CERS5: variants seen among roughly 807,000 people sequenced by gnomAD.
CERS5 encodes the protein LAG1 homolog, ceramide synthase 5.
A neutral mutation model predicts 58.9 loss-of-function variants in CERS5; 37 were observed. The ratio of observed to expected loss-of-function variants is 0.63; its 90% confidence interval spans 0.48 to 0.83. The LOEUF (loss-of-function observed/expected upper bound fraction) is 0.83. Among genes scored for constraint, CERS5 ranks in the 40% least tolerant of loss-of-function variants. CERS5 has a pLI of 0.00. For missense variants in CERS5, 398 were observed against 489.3 expected (o/e 0.81, Z 1.76); for synonymous variants, 147 against 177.8 (o/e 0.83, Z 1.38).
At chr12:50,146,720 G>A (rs966041476) in intron 1 of CERS5, among the ~76,000 whole-genome samples, 2 of 151,894 alleles carry the variant, frequency 1.3e-5, no homozygotes, top group African/African-American at 2.4e-5. Context: ...GGTGGCGGGC[G>A]CCTGTAATCC....
chr12:50,148,919 AAAAAAAAAATAT>A (rs1331391247), intron 1 of CERS5, among the ~76,000 whole-genome samples: 3 of 70,888 alleles, frequency 4.2e-5, no homozygotes, highest in Non-Finnish European at 8.8e-5. Flanking sequence ...AAAAAAAAAA[AAAAAAAAAATAT>A]ATATATATAT....
chr12:50,154,215 C>T, intron 1 of CERS5: 2 of 333,428 alleles, frequency 6.0e-6, no homozygotes, highest in African/African-American at 2.2e-5. Context: ...TAGCTGGGTG[C>T]GGTGGCACAT....
intron 1 of CERS5, among the ~76,000 whole-genome samples, chr12:50,162,609 C>CTTT (rs35326678): frequency 5.5e-5 from 8 of 145,742 alleles, no homozygotes; most frequent in African/African-American, 2.0e-4. Context: ...CTCTCTCTCT[C>CTTT]TTTTTTTTTT....
chr12:50,138,525 T>C (rs982647331), intron 5 of CERS5, 42 bp downstream of exon 5: 7 of 1,544,188 alleles, frequency 4.5e-6, no homozygotes, highest in Middle Eastern at 1.7e-4. Flanking sequence ...CTCCACCTTA[T>C]ACACATTCAA....
At chr12:50,134,779 C>A in intron 8 of CERS5, 77 bp from the exon 9 acceptor site, 1 of 1,361,852 alleles carries the variant, frequency 7.3e-7, no homozygotes, top group Non-Finnish European at 1.0e-6. Context: ...CCTGGGGATG[C>A]AGAGCCCTGT....
chr12:50,164,401 A>C (rs1468996246), intron 1 of CERS5, among the ~76,000 whole-genome samples: 2 of 152,080 alleles, frequency 1.3e-5, no homozygotes, highest in Non-Finnish European at 2.9e-5. Context: ...ACTGCAGTCC[A>C]GCCTGGGTGA....
At chr12:50,157,408 C>A in intron 1 of CERS5, among the ~76,000 whole-genome samples, 1 of 150,996 alleles carries the variant, frequency 6.6e-6, no homozygotes. Context: ...ACTAGAGTCG[C>A]AACATCTCAA....
At chr12:50,134,401 G>A (rs778360113) in intron 9 of CERS5, 145 bp downstream of exon 9, 28 of 1,589,900 alleles carry the variant, frequency 1.8e-5, no homozygotes, top group East Asian at 6.7e-5. Context: ...AACACTTACC[G>A]AAGAGGCGAA....
rs774274043 is a variant in CERS5 at position 50,130,600 on chromosome 12, T to C, written c.1124A>G (p.Asn375Ser). Residue 375 changes from asparagine to serine, a missense_variant, in exon 10 of 10, where the codon AAT (asparagine) becomes AGT (serine). By Grantham distance (46) the Asn-to-Ser change is conservative. Transcript: ENST00000317551. ...GTGACCATTCACCCGATTGGCACCA[T>C]TGCTGGAGCTACTGTCACAGGGACT... is the stretch of plus-strand genomic sequence containing the variant. The part of the protein sequence containing the change: ...TKSPCDSSSS[N>S]GANRVNGHMG... 4 of 1,613,040 alleles carry C rather than the reference T, an allele frequency of 2.5e-6. No homozygotes were observed. The highest frequency in any genetic ancestry group is 3.4e-6 in the Non-Finnish European group (4 of 1,179,070).
Position 50,138,574 on chromosome 12 carries a change from G to A in CERS5, c.536C>T (p.Pro179Leu), listed in dbSNP as rs1167444903. 3 of 1,613,478 alleles carry A rather than the reference G, an allele frequency of 1.9e-6. No homozygotes were observed. The highest frequency in any genetic ancestry group is 3.3e-5 in the Admixed American group (2 of 59,994). ...WDIRQCWHNYPFQPLSSGLYH... is the reference protein window; with the variant it reads ...WDIRQCWHNYLFQPLSSGLYH... ...AAACGACTCAGATCCTACCTGAAAT[G>A]GATAGTTATGCCAGCACTGTCGGAT... The change falls in exon 5 of 10, where the codon CCA becomes CTA. Residue 179 changes from proline to leucine, a missense_variant. Transcript: ENST00000317551.
intron 8 of CERS5, 67 bp from the exon 9 acceptor site, chr12:50,134,769 C>A: frequency 6.9e-7 from 1 of 1,442,376 alleles, no homozygotes; most frequent in Non-Finnish European, 9.5e-7. Context: ...GAAGCTGAGT[C>A]CTGGGGATGC....
intron 9 of CERS5, 36 bp from the exon 10 acceptor site, chr12:50,130,730 A>G (rs757756954): frequency 2.0e-6 from 3 of 1,537,064 alleles, no homozygotes; most frequent in Non-Finnish European, 1.8e-6. Flanking sequence ...AAAAGTGAGG[A>G]AAGAACTGTA....
At chr12:50,161,983 T>C (rs1939347395) in intron 1 of CERS5, among the ~76,000 whole-genome samples, 1 of 144,994 alleles carries the variant, frequency 6.9e-6, no homozygotes, top group Non-Finnish European at 1.5e-5. Context: ...CAAGCGATTC[T>C]CCTGCCTCAG....
At chr12:50,133,854 A>C in intron 9 of CERS5, 1 of 698,950 alleles carries the variant, frequency 1.4e-6, no homozygotes, top group Non-Finnish European at 1.8e-6. Flanking sequence ...TGGGCAGATC[A>C]CAAGGTCGGG....
At chr12:50,151,757 T>C (rs947754578) in intron 1 of CERS5, among the ~76,000 whole-genome samples, 10 of 152,188 alleles carry the variant, frequency 6.6e-5, no homozygotes, top group African/African-American at 2.2e-4. Flanking sequence ...GGTTCGATTC[T>C]GCCTCAGCCT....
chr12:50,131,893 T>C (rs1198805682), intron 9 of CERS5, among the ~76,000 whole-genome samples: 1 of 152,024 alleles, frequency 6.6e-6, no homozygotes, highest in Non-Finnish European at 1.5e-5. Context: ...GCCCAAGAGT[T>C]TGAGACCAGC....
chr12:50,154,559 A>C lies in CERS5; in HGVS notation c.198-10502T>G, dbSNP rs141545782. Among the ~76,000 whole-genome samples the C allele has an allele frequency of 8.0e-4, 122 of 152,352 alleles. No individual in the cohort carries two copies. In the East Asian group the frequency reaches 0.02, roughly 25 times the overall value. ...TGCTAGGATAATCCAGCTGTCTTCT[A>C]TTAAGCCAGATATTAAAGAGATTTG... On this transcript the variant is annotated intron_variant, in intron 1 of 9. Coordinates refer to ENST00000317551, the MANE Select transcript of CERS5 (RefSeq NM_147190.5).
chr12:50,139,707 C>T (rs1008091871), intron 4 of CERS5, among the ~76,000 whole-genome samples: 2 of 152,010 alleles, frequency 1.3e-5, no homozygotes, highest in African/African-American at 4.8e-5. Flanking sequence ...GCAGGACAAT[C>T]ACTTGAACCC....
At chr12:50,161,597 C>CA (rs1939268878) in intron 1 of CERS5, among the ~76,000 whole-genome samples, 1 of 151,746 alleles carries the variant, frequency 6.6e-6, no homozygotes, top group South Asian at 2.1e-4. Flanking sequence ...GCCAACATGG[C>CA]AAAACCCTGT....
Sources: gnomAD v4.1 joint callset for allele counts (sites outside exome capture counted in the v4.1 genomes callset) on GRCh38, gnomAD v4.1.1 for gene constraint, MANE v1.5 for transcripts, NCBI Gene and HGNC (gene_info 2026-07-23, HGNC 2026-07-21) for gene names.